HEATR4: variants seen among roughly 807,000 people sequenced by gnomAD.
HEATR4 encodes HEAT repeat containing 4, also known as HEAT repeat-containing protein 4.
In HEATR4, 95 loss-of-function variants were observed where a neutral mutation model predicts 108.8. The observed-to-expected ratio is 0.87, with a 90% CI of 0.74 to 1.04. HEATR4 has a LOEUF of 1.04. Among genes scored for constraint, HEATR4 ranks in the 50% least tolerant of loss-of-function variants. HEATR4 has a pLI of 0.00. For missense variants in HEATR4, 1,152 were observed against 1,253.8 expected (o/e 0.92, Z 1.23); for synonymous variants, 443 against 459.4 (o/e 0.96, Z 0.46).
chr14:73,603,056 T>C, the HEATR4 span, among the ~76,000 whole-genome samples: 1 of 149,608 alleles, frequency 6.7e-6, no homozygotes, highest in Non-Finnish European at 1.5e-5. Flanking sequence ...CTTAATTGTA[T>C]GTTACAATGA....
the HEATR4 span, among the ~76,000 whole-genome samples, chr14:73,597,834 C>T: frequency 6.6e-6 from 1 of 151,526 alleles, no homozygotes; most frequent in South Asian, 2.1e-4. Context: ...CCTTGTGATC[C>T]ATCTGCCTCG....
intron 17 of HEATR4, among the ~76,000 whole-genome samples, chr14:73,483,454 C>T (rs1885330109): frequency 6.6e-6 from 1 of 152,168 alleles, no homozygotes; most frequent in African/African-American, 2.4e-5. Context: ...AACTCCTGGG[C>T]TCAAGTGATC....
chr14:73,577,851 A>G, the HEATR4 span, among the ~76,000 whole-genome samples: 2 of 150,670 alleles, frequency 1.3e-5, no homozygotes, highest in African/African-American at 2.5e-5. Flanking sequence ...GATCTTATAA[A>G]AACAATTTTT....
rs1437728277 is a variant in HEATR4 at position 73,555,799 on chromosome 14, C to T, written c.-152+2952G>A. 4.4e-5 allele frequency among the ~76,000 whole-genome samples: 5 copies of T among 112,892 alleles called. 1 individual carries two copies. Among genetic ancestry groups the T allele is most frequent in the East Asian group, 1.4e-3 (2 of 1,426 alleles). The allele number at this position is 112,892 out of a possible 152,430, so 74.1% of individuals were successfully genotyped here. ...GGTGGATCACCCAAGGTCAGGAGTT[C>T]GAGACCAGCCAGCCTGATCAACATG... is the stretch of plus-strand genomic sequence containing the variant. On this transcript the variant is annotated intron_variant, in intron 1 of 17. Transcript: ENST00000553558.
rs1885105619 is a variant in HEATR4 at position 73,478,603 on chromosome 14, A to G, written c.*3T>C. On this transcript the variant is annotated 3_prime_UTR_variant, in exon 18 of 18. Transcript: ENST00000553558. The stretch of plus-strand genomic sequence containing the variant: ...GCATCTTGAAGTAAGACAAGTGTTC[A>G]GCTTAGAGATGAGCACCTTTCTTTC... 6.3e-7 allele frequency: 1 copy of G among 1,594,078 alleles called. No individual in the cohort carries two copies. The highest frequency in any genetic ancestry group is 1.1e-5 in the South Asian group (1 of 90,690).
chr14:73,570,855 A>C, the HEATR4 span, among the ~76,000 whole-genome samples: 1 of 150,342 alleles, frequency 6.7e-6, no homozygotes, highest in South Asian at 2.1e-4. Flanking sequence ...CAGTGAGCTG[A>C]GATCATGCCA....
chr14:73,573,236 G>A, the HEATR4 span: 8 of 1,196,622 alleles, frequency 6.7e-6, no homozygotes, highest in African/African-American at 7.4e-5. Context: ...ACTTGCCAGA[G>A]GTTTCTGGAC....
chr14:73,570,505 T>G, the HEATR4 span, among the ~76,000 whole-genome samples: 101 of 135,732 alleles, frequency 7.4e-4, no homozygotes, highest in Middle Eastern at 4.5e-3. Flanking sequence ...GGAGGCAGAG[T>G]TTGTAGTGAG....
the HEATR4 span, chr14:73,571,229 G>C: frequency 6.5e-6 from 1 of 153,092 alleles, no homozygotes; most frequent in Admixed American, 6.5e-5. Flanking sequence ...GGCAGGACCA[G>C]GTACTATTGT....
At chr14:73,611,743 T>C in the HEATR4 span, 6 of 152,192 alleles carry the variant, frequency 3.9e-5, no homozygotes. Flanking sequence ...TTGCTAAAGA[T>C]CACCAGGTAT....
At chr14:73,579,608 G>A in the HEATR4 span, among the ~76,000 whole-genome samples, 9 of 150,840 alleles carry the variant, frequency 6.0e-5, no homozygotes, top group African/African-American at 2.2e-4. Flanking sequence ...GTAGAGATGG[G>A]GTCTCCCTAT....
chr14:73,615,076 A>G, the HEATR4 span, among the ~76,000 whole-genome samples: 10 of 138,000 alleles, frequency 7.2e-5, no homozygotes, highest in South Asian at 2.5e-3. Flanking sequence ...AGGACAGAGC[A>G]AGACTCCATC....
chr14:73,578,088 T>A, the HEATR4 span, among the ~76,000 whole-genome samples: 5 of 151,446 alleles, frequency 3.3e-5, no homozygotes, highest in African/African-American at 1.2e-4. Context: ...TGACCTCAGG[T>A]GATCCACCCA....
rs1298768072 is a variant in HEATR4, at chr14:73,552,703, A to C, written c.-152+6048T>G. Among the ~76,000 whole-genome samples, 2 of 108,898 alleles carry C rather than the reference A, an allele frequency of 1.8e-5. 1 individual carries two copies. Among genetic ancestry groups the C allele is most frequent in the Non-Finnish European group, 3.7e-5 (2 of 53,640 alleles). 71.4% of individuals were successfully genotyped at this position (108,898 alleles called of 152,430 possible). A position where few individuals can be genotyped will look rare whatever the true frequency, so the allele number is the denominator to read the frequency against. On this transcript the variant is annotated intron_variant, in intron 1 of 17. Transcript: ENST00000553558. ...ACTTAGACCAGTGCATCCCACAGCT[A>C]TTCTAGCACCCCATAAACACTCCAG...
chr14:73,563,902 G>C (rs1160758326), upstream of HEATR4, among the ~76,000 whole-genome samples: 1 of 151,942 alleles, frequency 6.6e-6, no homozygotes, highest in Non-Finnish European at 1.5e-5. Context: ...TTGGGAAGAG[G>C]AGGTGGGAGG....
the HEATR4 span, among the ~76,000 whole-genome samples, chr14:73,614,769 C>T: frequency 1.4e-4 from 20 of 142,616 alleles, no homozygotes; most frequent in Non-Finnish European, 2.9e-4. Flanking sequence ...AAAAAAATCA[C>T]ACTGACTAAG....
At chr14:73,592,656 C>G in the HEATR4 span, among the ~76,000 whole-genome samples, 1 of 152,138 alleles carries the variant, frequency 6.6e-6, no homozygotes, top group Admixed American at 6.5e-5. Flanking sequence ...AGTTTGAGAC[C>G]AGACTGGCCA....
At chr14:73,572,935 C>G in the HEATR4 span, among the ~76,000 whole-genome samples, 13 of 151,362 alleles carry the variant, frequency 8.6e-5, 1 homozygote, top group Non-Finnish European at 1.3e-4. Flanking sequence ...CGTGAGCCAC[C>G]GGACCCAGCC....
the HEATR4 span, among the ~76,000 whole-genome samples, chr14:73,573,006 A>G: frequency 6.6e-6 from 1 of 151,128 alleles, no homozygotes; most frequent in Non-Finnish European, 1.5e-5. Flanking sequence ...TGATAAAAAT[A>G]TCAGTAAGTG....
Sources: gnomAD v4.1 joint callset for allele counts (sites outside exome capture counted in the v4.1 genomes callset) on GRCh38, gnomAD v4.1.1 for gene constraint, MANE v1.5 for transcripts, NCBI Gene and HGNC (gene_info 2026-07-23, HGNC 2026-07-21) for gene names.